The following B4GALT1 variants were observed in gnomAD, a reference collection of about 807,000 sequenced individuals.
B4GALT1 encodes beta-1,4-galactosyltransferase 1.
B4GALT1 carries 16 observed loss-of-function variants against 34.9 expected under a neutral mutation model. The ratio of observed to expected loss-of-function variants is 0.46; its 90% CI spans 0.31 to 0.70. The LOEUF is 0.70. Ranked by LOEUF, B4GALT1 falls within the 30% of genes least tolerant of loss-of-function variation. The probability of loss-of-function intolerance (pLI) is 0.05; values close to 1 mark genes in which losing one functional copy is unlikely to be tolerated. For synonymous variants in B4GALT1, 221 were observed against 218.1 expected (o/e 1.01, Z -0.12); for missense variants, 445 against 530.5 (o/e 0.84, Z 1.58).
At chr9:33,156,243 C>T (rs1277919451) in intron 1 of B4GALT1, among the ~76,000 whole-genome samples, 1 of 152,044 alleles carries the variant, frequency 6.6e-6, no homozygotes, top group African/African-American at 2.4e-5. Flanking sequence ...AAGCCATTCT[C>T]CCACCTCAGC....
At chr9:33,140,624 C>CT (rs1353371368) in intron 1 of B4GALT1, among the ~76,000 whole-genome samples, 1 of 152,252 alleles carries the variant, frequency 6.6e-6, no homozygotes, top group Non-Finnish European at 1.5e-5. Context: ...GCCTAGAACT[C>CT]TGTGATTCTG....
the B4GALT1 span, among the ~76,000 whole-genome samples, chr9:33,174,974 AAAAAAAAAAAAAAAAAATAT>A: frequency 4.5e-5 from 1 of 22,336 alleles, no homozygotes; most frequent in African/African-American, 1.1e-4. Flanking sequence ...AAAAAAAAAA[AAAAAAAAAAAAAAAAAATAT>A]ATATATATAT....
intron 1 of B4GALT1, among the ~76,000 whole-genome samples, chr9:33,156,401 T>C (rs1164293777): frequency 2.0e-5 from 3 of 152,210 alleles, no homozygotes; most frequent in Admixed American, 1.3e-4. Flanking sequence ...CCCAAAGTGC[T>C]GGGAATACGG....
exon 3 of B4GALT1, chr9:33,104,608 G>T: frequency 2.7e-6 from 1 of 374,416 alleles, no homozygotes; most frequent in South Asian, 2.0e-5. Flanking sequence ...TCAGCAACCA[G>T]GCTGAGTCCT....
chr9:33,161,947 A>T (rs1840681241), intron 1 of B4GALT1, among the ~76,000 whole-genome samples: 1 of 152,190 alleles, frequency 6.6e-6, no homozygotes, highest in Admixed American at 6.5e-5. Context: ...CTGAGTGCAA[A>T]GGGGATGAGC....
the B4GALT1 span, among the ~76,000 whole-genome samples, chr9:33,183,773 A>G: frequency 1.3e-5 from 2 of 151,804 alleles, no homozygotes; most frequent in African/African-American, 2.4e-5. Flanking sequence ...CCTAAAACTT[A>G]AAGTATAATA....
chr9:33,135,476 C>T, intron 1 of B4GALT1, 52 bp from the exon 2 acceptor site: 5 of 1,539,730 alleles, frequency 3.2e-6, no homozygotes, highest in Non-Finnish European at 4.5e-6. Flanking sequence ...CTCGCCACCG[C>T]TCCACAGGCT....
chr9:33,138,549 T>A (rs1362878851), intron 1 of B4GALT1, among the ~76,000 whole-genome samples: 1 of 152,160 alleles, frequency 6.6e-6, no homozygotes, highest in East Asian at 1.9e-4. Context: ...GAAGCCTTGA[T>A]CACCAAGCGT....
At chr9:33,167,486 G>A (rs1284988341), upstream of B4GALT1, 1 of 232,684 alleles carries the variant, frequency 4.3e-6, no homozygotes, top group African/African-American at 2.3e-5. Flanking sequence ...GGCCTCGGGA[G>A]GGTGGGCAGC....
At chr9:33,152,556 T>TAA (rs71970666) in intron 1 of B4GALT1, among the ~76,000 whole-genome samples, 6 of 102,298 alleles carry the variant, frequency 5.9e-5, no homozygotes, top group Admixed American at 2.9e-4. Context: ...AAAAAAAGGG[T>TAA]AAAAAAAAAA....
At chr9:33,164,967 C>T (rs1253739604) in intron 1 of B4GALT1, among the ~76,000 whole-genome samples, 1 of 119,828 alleles carries the variant, frequency 8.3e-6, no homozygotes, top group African/African-American at 3.1e-5. Flanking sequence ...ATTGAGTGCC[C>T]GTATTTTTTT....
At chr9:33,143,338 G>A (rs113757743) in intron 1 of B4GALT1, among the ~76,000 whole-genome samples, 2 of 152,246 alleles carry the variant, frequency 1.3e-5, no homozygotes, top group African/African-American at 4.8e-5. Flanking sequence ...TCTAAAACAT[G>A]ACTTAAAAGT....
At chr9:33,104,798 A>T (rs1839782210) in intron 2 of B4GALT1, 1 of 435,746 alleles carries the variant, frequency 2.3e-6, no homozygotes, top group African/African-American at 2.1e-5. Flanking sequence ...TAAAATACAC[A>T]TAACAGAAAA....
In B4GALT1 at chr9:33,116,100, G is replaced by T; in HGVS notation, c.850C>A (p.Gln284Lys). 1.9e-6 allele frequency: 3 copies of T among 1,613,320 alleles called. No individual in the cohort carries two copies. In the South Asian group the frequency reaches 3.3e-5, roughly 18 times the overall value. The change falls in exon 4 of 6, where the codon CAG (glutamine) becomes AAG (lysine). Residue 284 changes from glutamine to lysine, a missense_variant. This residue lies in a region of B4GALT1 where 349 missense variants were observed against 395.5 expected (regional missense o/e 0.88). Transcript: ENST00000379731. The part of the protein sequence containing the change: ...DKFGFSLPYV[Q>K]YFGGVSALSK... ...AGAGCAGAGACACCTCCAAAATACT[G>T]AACATAAGGTAGGCTGGAGGAAAAA... is the stretch of plus-strand genomic sequence containing the variant.
chr9:33,144,346 T>G (rs1049987092), intron 1 of B4GALT1, among the ~76,000 whole-genome samples: 1 of 152,200 alleles, frequency 6.6e-6, no homozygotes, highest in African/African-American at 2.4e-5. Flanking sequence ...GCGATTCTCC[T>G]GCCTCAGCCT....
Position 33,111,909 on chromosome 9 carries a change from G to C in B4GALT1, c.*1545C>G, listed in dbSNP as rs191562209. ...TGTGAAAACCTGAGGTGGAACAGGAGGCTTTAGGCACCGAAGTTCTTGGGA... is the reference window on the plus strand; with the variant it reads ...TGTGAAAACCTGAGGTGGAACAGGACGCTTTAGGCACCGAAGTTCTTGGGA... On this transcript the variant is annotated 3_prime_UTR_variant, in exon 6 of 6. Transcript: ENST00000379731. 1.3e-5 allele frequency: 2 copies of C among 152,686 alleles called. No individual in the cohort carries two copies. The highest frequency in any genetic ancestry group is 2.9e-5 in the Non-Finnish European group (2 of 68,058). The allele number at this position is 152,686 out of a possible 1,614,324, so 9.5% of individuals were successfully genotyped here. A position where few individuals can be genotyped will look rare whatever the true frequency, so the allele number is the denominator to read the frequency against.
chr9:33,142,305 T>C (rs1840364442), intron 1 of B4GALT1, among the ~76,000 whole-genome samples: 1 of 152,218 alleles, frequency 6.6e-6, no homozygotes, highest in Non-Finnish European at 1.5e-5. Context: ...ATCAGATGTT[T>C]GTGGTATTTT....
intron 2 of B4GALT1, among the ~76,000 whole-genome samples, chr9:33,132,272 A>C (rs1840204429): frequency 6.6e-6 from 1 of 152,152 alleles, no homozygotes; most frequent in Non-Finnish European, 1.5e-5. Flanking sequence ...TGTTCCAGGG[A>C]AAGCAGGGAG....
Position 33,112,548 on chromosome 9 carries a change from A to T in B4GALT1, c.*906T>A, listed in dbSNP as rs975772091. On this transcript the variant is annotated 3_prime_UTR_variant, in exon 6 of 6. Transcript: ENST00000379731. ...CATATATTTATTTTTCTCCCTAAAA[A>T]ATGCTCAATACCCCTCCCCATATTT... 1.3e-5 allele frequency: 2 copies of T among 152,664 alleles called. No individual in the cohort carries two copies. Among genetic ancestry groups the T allele is most frequent in the African/African-American group, 4.8e-5 (2 of 41,464 alleles). 9.5% of individuals were successfully genotyped at this position (152,664 alleles called of 1,614,324 possible).
Sources: gnomAD v4.1 joint callset for allele counts (sites outside exome capture counted in the v4.1 genomes callset) on GRCh38, gnomAD v4.1.1 for gene constraint, gnomAD v4.1.1 regional missense constraint, MANE v1.5 for transcripts, NCBI Gene and HGNC (gene_info 2026-07-23, HGNC 2026-07-21) for gene names.